Variants in AKT3 observed in about 807,000 individuals in gnomAD.
The protein encoded by AKT3 is AKT serine/threonine kinase 3, also known as RAC-gamma serine/threonine-protein kinase.
A neutral mutation model predicts 65.3 loss-of-function variants in AKT3; 15 were observed. The observed-to-expected ratio is 0.23, with a 90% CI of 0.15 to 0.35. The LOEUF is 0.35. Among genes scored for constraint, AKT3 ranks in the 10% least tolerant of loss-of-function variants. AKT3 has a pLI of 1.00. For synonymous variants in AKT3, 206 were observed against 183.8 expected, an observed-to-expected ratio of 1.12 and a Z score of -0.98; for missense variants, 243 against 576.5, an observed-to-expected ratio of 0.42 and a Z score of 5.92.
chr1:243,820,525 A>G (rs1558843770), intron 2 of AKT3, among the ~76,000 whole-genome samples: 4 of 152,208 alleles, frequency 2.6e-5, no homozygotes, highest in Non-Finnish European at 5.9e-5. Flanking sequence ...AGCATGTTCA[A>G]ACCCAATGCA....
intron 2 of AKT3, among the ~76,000 whole-genome samples, chr1:243,810,194 A>C (rs1693036497): frequency 6.6e-6 from 1 of 152,216 alleles, no homozygotes; most frequent in Admixed American, 6.5e-5. Context: ...ACTGAAGGAG[A>C]TAGAGACATA....
At chr1:243,569,938 C>T (rs565640685) in intron 9 of AKT3, among the ~76,000 whole-genome samples, 79 of 152,204 alleles carry the variant, frequency 5.2e-4, no homozygotes, top group Admixed American at 1.6e-3. Flanking sequence ...GAGATTTCTT[C>T]GAAATTTTGG....
intron 9 of AKT3, among the ~76,000 whole-genome samples, chr1:243,566,098 C>T (rs929941672): frequency 4.6e-5 from 7 of 152,160 alleles, no homozygotes; most frequent in Non-Finnish European, 8.8e-5. Context: ...AGACAGGATG[C>T]ACTATTTCTC....
chr1:243,769,083 A>G (rs1331762795), intron 2 of AKT3, among the ~76,000 whole-genome samples: 2 of 152,270 alleles, frequency 1.3e-5, no homozygotes, highest in African/African-American at 2.4e-5. Flanking sequence ...ATTTCATATT[A>G]ATGAATCATA....
chr1:243,535,840 A>G (rs1312953802), intron 12 of AKT3, among the ~76,000 whole-genome samples: 3 of 152,154 alleles, frequency 2.0e-5, no homozygotes, highest in African/African-American at 7.2e-5. Flanking sequence ...ATTCCCACCA[A>G]CAGCATGTAA....
intron 2 of AKT3, among the ~76,000 whole-genome samples, chr1:243,773,663 T>C (rs1475028772): frequency 6.6e-6 from 1 of 152,168 alleles, no homozygotes; most frequent in Admixed American, 6.5e-5. Flanking sequence ...AGAATAAGAA[T>C]GTCATACTCA....
chr1:243,506,587 C>T (rs1669684334), intron 13 of AKT3, among the ~76,000 whole-genome samples: 1 of 152,214 alleles, frequency 6.6e-6, no homozygotes, highest in South Asian at 2.1e-4. Context: ...CTGTATCCCA[C>T]TCTTAATGCA....
chr1:243,505,539 A>C (rs1182303684), intron 13 of AKT3, among the ~76,000 whole-genome samples: 3 of 152,256 alleles, frequency 2.0e-5, no homozygotes, highest in Non-Finnish European at 2.9e-5. Context: ...AAGAAATAAT[A>C]CTATAGAATC....
At chr1:243,755,226 G>A (rs941130701) in intron 2 of AKT3, among the ~76,000 whole-genome samples, 12 of 144,746 alleles carry the variant, frequency 8.3e-5, no homozygotes, top group Non-Finnish European at 1.2e-4. Context: ...GCGACACCAC[G>A]CCTGGTTAAT....
At chr1:243,620,770 G>A (rs966204911) in intron 6 of AKT3, among the ~76,000 whole-genome samples, 3 of 151,956 alleles carry the variant, frequency 2.0e-5, no homozygotes, top group Admixed American at 6.6e-5. Context: ...CGCCTTTCTC[G>A]AGTATTGTGT....
At chr1:243,706,526 G>A (rs1184109639) in intron 2 of AKT3, among the ~76,000 whole-genome samples, 1 of 152,156 alleles carries the variant, frequency 6.6e-6, no homozygotes, top group Non-Finnish European at 1.5e-5. Flanking sequence ...TCTTACCAAG[G>A]AGTTTTTCCT....
At chr1:243,651,026 T>C (rs551342298) in intron 4 of AKT3, among the ~76,000 whole-genome samples, 14 of 152,316 alleles carry the variant, frequency 9.2e-5, no homozygotes, top group South Asian at 2.1e-4. Context: ...TGATTCTTCC[T>C]ATCCATGAGC....
In AKT3 at chr1:243,512,445, AG is replaced by A; in HGVS notation, c.1252-20del. ...GTACAAGCTGTAAAAAGAAAGAAAA[AG>A]AGTTTTATTAACTGATTTCAATTCA... On this transcript the variant is annotated intron_variant, in intron 12 of 13. Coordinates refer to ENST00000673466, the MANE Select transcript of AKT3 (RefSeq NM_005465.7). 1 of 1,431,990 alleles carries A rather than the reference AG, an allele frequency of 7.0e-7. No individual in the cohort carries two copies. The highest frequency in any genetic ancestry group is 9.6e-7 in the Non-Finnish European group (1 of 1,040,254). The allele number at this position is 1,431,990 out of a possible 1,614,324, so 88.7% of individuals were successfully genotyped here. A position where few individuals can be genotyped will look rare whatever the true frequency, so the allele number is the denominator to read the frequency against.
chr1:243,756,014 A>G (rs1689116369), intron 2 of AKT3, among the ~76,000 whole-genome samples: 1 of 152,244 alleles, frequency 6.6e-6, no homozygotes, highest in Admixed American at 6.5e-5. Context: ...TTATATACAG[A>G]AGATGAACCA....
At chr1:243,755,066 T>A (rs1689044463) in intron 2 of AKT3, among the ~76,000 whole-genome samples, 1 of 152,102 alleles carries the variant, frequency 6.6e-6, no homozygotes, top group East Asian at 1.9e-4. Context: ...AAGTCCTTTT[T>A]AATTATTATT....
intron 8 of AKT3, among the ~76,000 whole-genome samples, chr1:243,576,037 T>C (rs1023319888): frequency 6.6e-6 from 1 of 152,064 alleles, no homozygotes. Flanking sequence ...AGATAATAAG[T>C]ATGAAAGAAT....
intron 13 of AKT3, among the ~76,000 whole-genome samples, 185 bp from the exon 14 acceptor site, chr1:243,505,519 A>G (rs1272791928): frequency 6.6e-6 from 1 of 152,262 alleles, no homozygotes; most frequent in Non-Finnish European, 1.5e-5. Context: ...TCATAAATAC[A>G]TAGTCTATGA....
intron 2 of AKT3, among the ~76,000 whole-genome samples, chr1:243,779,646 T>A (rs1427150748): frequency 1.3e-5 from 2 of 151,908 alleles, no homozygotes; most frequent in African/African-American, 2.4e-5. Context: ...CAGGACAGGA[T>A]AAGGAAAAGA....
intron 3 of AKT3, among the ~76,000 whole-genome samples, chr1:243,690,730 A>G (rs571549150): frequency 2.3e-4 from 34 of 147,096 alleles, no homozygotes; most frequent in African/African-American, 7.7e-4. Flanking sequence ...ATGTTATAAT[A>G]TAGGGGTGGG....
Sources: gnomAD v4.1 joint callset for allele counts (sites outside exome capture counted in the v4.1 genomes callset) on GRCh38, gnomAD v4.1.1 for gene constraint, MANE v1.5 for transcripts, NCBI Gene and HGNC (gene_info 2026-07-23, HGNC 2026-07-21) for gene names.